SLC25A30: variants seen among roughly 807,000 people sequenced by gnomAD.
SLC25A30 encodes the protein kidney mitochondrial carrier protein 1.
A neutral mutation model predicts 42.7 loss-of-function variants in SLC25A30; 29 were observed. The observed-to-expected ratio is 0.68, with a 90% confidence interval of 0.51 to 0.93. The LOEUF (loss-of-function observed/expected upper bound fraction) is 0.93, where lower values mean the gene tolerates loss of function less well. Among genes scored for constraint, SLC25A30 ranks in the 40% least tolerant of loss-of-function variants. The pLI, the probability that SLC25A30 is intolerant of heterozygous loss-of-function variation, is 0.00. For synonymous variants in SLC25A30, 124 were observed against 131.0 expected, an observed-to-expected ratio of 0.95 and a Z score of 0.37; for missense variants, 300 against 359.7, an observed-to-expected ratio of 0.83 and a Z score of 1.34.
chr13:45,425,628 AAG>A, the SLC25A30 span, among the ~76,000 whole-genome samples: 8 of 93,158 alleles, frequency 8.6e-5, 1 homozygote, highest in African/African-American at 2.7e-4. Context: ...ATATATATAT[AAG>A]TATATATAAA....
At chr13:45,426,258 T>A in the SLC25A30 span, among the ~76,000 whole-genome samples, 1 of 151,836 alleles carries the variant, frequency 6.6e-6, no homozygotes, top group Non-Finnish European at 1.5e-5. Context: ...AGCTAATTTT[T>A]GTGTTTTTAG....
the SLC25A30 span, among the ~76,000 whole-genome samples, chr13:45,425,102 A>ATATATAAG: frequency 2.2e-5 from 2 of 91,400 alleles, no homozygotes; most frequent in East Asian, 2.8e-4. Flanking sequence ...ATATTTATAA[A>ATATATAAG]TATATAAATA....
At chr13:45,433,756 C>T in the SLC25A30 span, among the ~76,000 whole-genome samples, 2 of 152,156 alleles carry the variant, frequency 1.3e-5, no homozygotes, top group Admixed American at 6.5e-5. Context: ...CTTTCAAACT[C>T]GTTAAACTGT....
chr13:45,431,586 C>CTG, the SLC25A30 span, among the ~76,000 whole-genome samples: 28 of 28 alleles, frequency 1, 14 homozygotes, highest in Non-Finnish European at 1. Flanking sequence ...GTTTCACCAT[C>CTG]TTGGCCAGGC....
At chr13:45,428,845 T>A in the SLC25A30 span, among the ~76,000 whole-genome samples, 1 of 125,864 alleles carries the variant, frequency 7.9e-6, no homozygotes. Flanking sequence ...AAAGCCTAAT[T>A]TGGGTGGAGA....
upstream of SLC25A30, among the ~76,000 whole-genome samples, chr13:45,422,576 C>T (rs183454742): frequency 1.6e-4 from 24 of 152,174 alleles, no homozygotes; most frequent in Admixed American, 1.4e-3. Context: ...TTTTCGGTTG[C>T]CTCAACTAGA....
At position 45,395,042 on chromosome 13, in the gene SLC25A30, C is replaced by T; in HGVS notation, c.*932G>A. 1 of 985,440 alleles carries T rather than the reference C, an allele frequency of 1.0e-6. No individual in the cohort carries two copies. The highest frequency in any genetic ancestry group is 1.2e-6 in the Non-Finnish European group (1 of 829,926). The allele number at this position is 985,440 out of a possible 1,614,324, so 61.0% of individuals were successfully genotyped here. ...ACCATGAGAAGCCCATGAGAACATG[C>T]CCCTCTTCTACATAGACTGTTTAGA... On this transcript the variant is annotated 3_prime_UTR_variant, in exon 10 of 10. Transcript: ENST00000519676.
At chr13:45,400,014 TTATA>T (rs1322955547) in intron 7 of SLC25A30, among the ~76,000 whole-genome samples, 9 of 88,840 alleles carry the variant, frequency 1.0e-4, no homozygotes, top group East Asian at 8.4e-4. Context: ...TTATGTATGA[TTATA>T]TATATATATA....
the SLC25A30 span, among the ~76,000 whole-genome samples, chr13:45,427,396 T>G: frequency 6.8e-6 from 1 of 146,402 alleles, no homozygotes; most frequent in Admixed American, 6.6e-5. Flanking sequence ...AGACTGAACT[T>G]GGTCCATACA....
rs1881134266 is a variant in SLC25A30 at position 45,393,997 on chromosome 13, AAAAG to A, written c.*1973_*1976del. 3.0e-5 allele frequency: 30 copies of A among 984,912 alleles called. No homozygotes were observed. Among genetic ancestry groups the A allele is most frequent in the Non-Finnish European group, 3.4e-5 (28 of 829,532 alleles). 61.0% of individuals were successfully genotyped at this position (984,912 alleles called of 1,614,324 possible). A position where few individuals can be genotyped will look rare whatever the true frequency, so the allele number is the denominator to read the frequency against. On this transcript the variant is annotated 3_prime_UTR_variant, in exon 10 of 10. Transcript: ENST00000519676. Reference sequence around the variant, plus strand: ...AAAAGTAAAATTTTTCTACATTAAAAAAAGAGCATTTCAAGAAAAGCAATCTTTA... The same window carrying A: ...AAAAGTAAAATTTTTCTACATTAAAAAGCATTTCAAGAAAAGCAATCTTTA...
intron 1 of SLC25A30, among the ~76,000 whole-genome samples, chr13:45,412,180 C>G (rs1883092562): frequency 6.6e-6 from 1 of 151,756 alleles, no homozygotes; most frequent in South Asian, 2.1e-4. Context: ...AGCGTAGTGG[C>G]ACAAACATGG....
At chr13:45,432,285 A>C in the SLC25A30 span, among the ~76,000 whole-genome samples, 1 of 151,514 alleles carries the variant, frequency 6.6e-6, no homozygotes, top group African/African-American at 2.4e-5. Context: ...AAAAAAAAAA[A>C]CAGTGTTACT....
At chr13:45,397,014 C>CTAACTA in intron 9 of SLC25A30, 1 of 451,174 alleles carries the variant, frequency 2.2e-6, no homozygotes, top group Non-Finnish European at 3.9e-6. Context: ...AGAACAGAGT[C>CTAACTA]TAACTAAACC....
chr13:45,394,504 A>C lies in SLC25A30; in HGVS notation c.*1470T>G. 5 of 985,394 alleles carry C rather than the reference A, an allele frequency of 5.1e-6. No individual in the cohort carries two copies. Among genetic ancestry groups the C allele is most frequent in the Non-Finnish European group, 4.8e-6 (4 of 829,936 alleles). 61.0% of individuals were successfully genotyped at this position (985,394 alleles called of 1,614,324 possible). A position where few individuals can be genotyped will look rare whatever the true frequency, so the allele number is the denominator to read the frequency against. ...CTGGAGCCCCAGCTAACATGTATTT[A>C]ATGTTGTTCTCAAAGGGGGAACTGA... On this transcript the variant is annotated 3_prime_UTR_variant, in exon 10 of 10. Coordinates refer to ENST00000519676, the MANE Select transcript of SLC25A30 (RefSeq NM_001010875.4).
At chr13:45,421,112 C>T (rs1883880019), upstream of SLC25A30, among the ~76,000 whole-genome samples, 1 of 152,010 alleles carries the variant, frequency 6.6e-6, no homozygotes, top group Admixed American at 6.6e-5. Flanking sequence ...GGCGTGGTGG[C>T]TCACGTCTAT....
intron 4 of SLC25A30, 96 bp from the exon 5 acceptor site, chr13:45,404,508 C>T: frequency 1.2e-6 from 1 of 859,784 alleles, no homozygotes; most frequent in South Asian, 1.4e-5. Flanking sequence ...ATTACTTGTT[C>T]ACCTTAAGAT....
At position 45,394,505 on chromosome 13, in the gene SLC25A30, ATGT is replaced by A. The variant is rs1408258303; in HGVS notation, c.*1466_*1468del. ...TGGAGCCCCAGCTAACATGTATTTA[ATGT>A]TGTTCTCAAAGGGGGAACTGAAGAG... is the stretch of plus-strand genomic sequence containing the variant. On this transcript the variant is annotated 3_prime_UTR_variant, in exon 10 of 10. Transcript: ENST00000519676. 1 of 985,356 alleles carries A rather than the reference ATGT, an allele frequency of 1.0e-6. No homozygotes were observed. The highest frequency in any genetic ancestry group is 1.2e-6 in the Non-Finnish European group (1 of 829,936). The allele number at this position is 985,356 out of a possible 1,614,324, so 61.0% of individuals were successfully genotyped here.
intron 6 of SLC25A30, among the ~76,000 whole-genome samples, chr13:45,401,999 G>A (rs1447456825): frequency 6.9e-6 from 1 of 143,902 alleles, no homozygotes; most frequent in Admixed American, 7.5e-5. Context: ...GGTGGAGGTT[G>A]CAGTGAGCCA....
chr13:45,424,906 A>G, the SLC25A30 span, among the ~76,000 whole-genome samples: 27 of 62,928 alleles, frequency 4.3e-4, 3 homozygotes, highest in African/African-American at 2.2e-3. Context: ...ATATATATAA[A>G]TATATATAAA....
Sources: allele counts gnomAD v4.1 joint callset (sites outside exome capture counted in the v4.1 genomes callset), GRCh38; gene constraint gnomAD v4.1.1; transcripts MANE v1.5; gene names NCBI Gene and HGNC (gene_info 2026-07-23, HGNC 2026-07-21).